The following AK9 variants were observed in gnomAD, a reference collection of about 807,000 sequenced individuals.
The protein encoded by AK9 is adenylate kinase domain containing 1.
AK9 carries 191 observed loss-of-function variants against 239.6 expected under a neutral mutation model. That is an observed-to-expected ratio of 0.80 (90% CI 0.71 to 0.90). AK9 has a LOEUF of 0.90. Among genes scored for constraint, AK9 ranks in the 40% least tolerant of loss-of-function variants. The pLI is 0.00. For synonymous variants in AK9, 689 were observed against 721.0 expected (o/e 0.96, Z 0.71); for missense variants, 1,995 against 2,214.7 (o/e 0.90, Z 1.99).
At chr6:109,654,887 T>C (rs1474578856) in intron 8 of AK9, among the ~76,000 whole-genome samples, 1 of 152,164 alleles carries the variant, frequency 6.6e-6, no homozygotes, top group Non-Finnish European at 1.5e-5. Context: ...TGAACTTTAG[T>C]GGTCTTGGTC....
chr6:109,506,268 T>C, intron 35 of AK9, 59 bp downstream of exon 35: 1 of 1,495,588 alleles, frequency 6.7e-7, no homozygotes, highest in Non-Finnish European at 9.2e-7. Context: ...GTAACATGAG[T>C]CAGGCATGTT....
intron 24 of AK9, 121 bp downstream of exon 24, chr6:109,563,476 G>C: frequency 7.2e-7 from 1 of 1,397,198 alleles, no homozygotes; most frequent in East Asian, 2.6e-5. Flanking sequence ...GGCAGAGGGA[G>C]AATGTGTGTG....
intron 6 of AK9, among the ~76,000 whole-genome samples, chr6:109,661,282 C>T (rs928011044): frequency 6.6e-6 from 1 of 152,150 alleles, no homozygotes; most frequent in Non-Finnish European, 1.5e-5. Context: ...ATATTAAGAC[C>T]CATCTAAGGT....
At chr6:109,646,483 G>T (rs1798080058) in intron 8 of AK9, among the ~76,000 whole-genome samples, 1 of 152,100 alleles carries the variant, frequency 6.6e-6, no homozygotes, top group Admixed American at 6.5e-5. Flanking sequence ...TCAAGTGGAA[G>T]AAAGGGTACC....
rs1554230922 is a variant in AK9 at position 109,497,362 on chromosome 6, A to ACACACACACACT, written c.5315+102_5315+103insAGTGTGTGTGTG. On this transcript the variant is annotated intron_variant, in intron 38 of 40. Coordinates refer to ENST00000424296, the MANE Select transcript of AK9 (RefSeq NM_001145128.3). ...CACACACACACACACACACACACAC[A>ACACACACACACT]CTCTCTCTCTCTCTCTCTCTCTCAC... 2.2e-5 allele frequency: 11 copies of ACACACACACACT among 500,590 alleles called. No homozygotes were observed. The African/African-American group carries it at 2.7e-4, about 12-fold the overall frequency. 31.0% of individuals were successfully genotyped at this position (500,590 alleles called of 1,614,324 possible).
chr6:109,502,010 T>C (rs187665097), intron 35 of AK9, among the ~76,000 whole-genome samples: 108 of 152,216 alleles, frequency 7.1e-4, no homozygotes, highest in Non-Finnish European at 1.3e-3. Context: ...ATAAATCTGA[T>C]TGTGAATTCC....
At chr6:109,576,797 T>C (rs1465742411) in intron 20 of AK9, among the ~76,000 whole-genome samples, 1 of 151,936 alleles carries the variant, frequency 6.6e-6, no homozygotes, top group Non-Finnish European at 1.5e-5. Flanking sequence ...TTTTCCCCTT[T>C]CAGTATAATG....
chr6:109,635,810 G>A (rs1174810734), intron 10 of AK9, among the ~76,000 whole-genome samples: 6 of 152,174 alleles, frequency 3.9e-5, no homozygotes, highest in African/African-American at 1.4e-4. Flanking sequence ...AAAATTACAG[G>A]ACCCTTGTTC....
chr6:109,537,600 C>T (rs544386926), intron 27 of AK9, among the ~76,000 whole-genome samples: 8,264 of 117,974 alleles, frequency 0.07, 274 homozygotes, highest in Non-Finnish European at 0.095. Context: ...TGTGTCCTAT[C>T]TCTTTCAGTT....
At chr6:109,515,253 A>T (rs1235461482) in intron 31 of AK9, among the ~76,000 whole-genome samples, 2 of 152,150 alleles carry the variant, frequency 1.3e-5, no homozygotes, top group Non-Finnish European at 2.9e-5. Flanking sequence ...GTTCTCTTCT[A>T]TATTTTTGTG....
chr6:109,585,494 TC>T (rs1397918804), intron 18 of AK9, among the ~76,000 whole-genome samples: 1 of 152,078 alleles, frequency 6.6e-6, no homozygotes, highest in Non-Finnish European at 1.5e-5. Context: ...CCCTGGCAAT[TC>T]CCATTTTGAA....
chr6:109,665,901 T>C (rs1297299993), intron 5 of AK9, among the ~76,000 whole-genome samples: 1 of 152,214 alleles, frequency 6.6e-6, no homozygotes, highest in Non-Finnish European at 1.5e-5. Flanking sequence ...AACCTTCCTG[T>C]TCCTACAGCC....
At chr6:109,547,671 C>A (rs529068098) in intron 25 of AK9, among the ~76,000 whole-genome samples, 36 of 151,756 alleles carry the variant, frequency 2.4e-4, no homozygotes, top group African/African-American at 8.5e-4. Flanking sequence ...AAAACACAGG[C>A]AATAAAAGCA....
Position 109,683,086 on chromosome 6 carries a change from G to C in AK9, c.-11-7330C>G, listed in dbSNP as rs1465729973. On this transcript the variant is annotated intron_variant, in intron 1 of 40. Coordinates refer to ENST00000424296, the MANE Select transcript of AK9 (RefSeq NM_001145128.3). Reference sequence around the variant, plus strand: ...AGCTTTATCCCTGGGATGCAAGGCTGGTTCAACATATGCAAATCAATAAAT... The same window carrying C: ...AGCTTTATCCCTGGGATGCAAGGCTCGTTCAACATATGCAAATCAATAAAT... 6.6e-5 allele frequency among the ~76,000 whole-genome samples: 10 copies of C among 152,274 alleles called. 1 individual carries two copies. The highest frequency in any genetic ancestry group is 2.4e-4 in the African/African-American group (10 of 41,546).
rs1273585821 is a variant in AK9, at chr6:109,625,839, G to A, written c.1255-6603C>T. 2.0e-5 allele frequency among the ~76,000 whole-genome samples: 3 copies of A among 152,102 alleles called. No homozygotes were observed. In the East Asian group the frequency reaches 5.8e-4, roughly 29 times the overall value. ...TGTTTGGGGCTTGCTGAGCTTCTTG[G>A]ACCTGTAAGTCAATCTATAATTTTT... On this transcript the variant is annotated intron_variant, in intron 12 of 40. Transcript: ENST00000424296.
chr6:109,509,133 A>G (rs1480504666), intron 33 of AK9, 46 bp downstream of exon 33: 2 of 1,510,326 alleles, frequency 1.3e-6, no homozygotes, highest in Admixed American at 2.2e-5. Flanking sequence ...CAGTTTCTTG[A>G]AAGATTTAAC....
chr6:109,641,349 C>CTTTTTT (rs913203723), intron 10 of AK9, among the ~76,000 whole-genome samples, 169 bp downstream of exon 10: 16 of 124,384 alleles, frequency 1.3e-4, no homozygotes, highest in South Asian at 2.6e-4. Context: ...TTCTTTCTTT[C>CTTTTTT]TTTTTTTTTT....
chr6:109,666,466 C>G (rs900730541), intron 5 of AK9, among the ~76,000 whole-genome samples: 1 of 152,172 alleles, frequency 6.6e-6, no homozygotes, highest in African/African-American at 2.4e-5. Context: ...GGAGGAGTGG[C>G]GCACCCCAAG....
chr6:109,614,598 A>G (rs1583262459), intron 13 of AK9, 118 bp from the exon 14 acceptor site: 1 of 775,994 alleles, frequency 1.3e-6, no homozygotes, highest in East Asian at 2.7e-5. Flanking sequence ...TCTGACTTAT[A>G]AGCTGTAAGG....
Sources: gnomAD v4.1 joint callset for allele counts (sites outside exome capture counted in the v4.1 genomes callset) on GRCh38, gnomAD v4.1.1 for gene constraint, MANE v1.5 for transcripts, NCBI Gene and HGNC (gene_info 2026-07-23, HGNC 2026-07-21) for gene names.